The following CLCN3 variants were observed in gnomAD, a reference collection of about 807,000 sequenced individuals.
CLCN3 encodes H(+)/Cl(-) exchange transporter 3.
In CLCN3, 16 loss-of-function variants were observed where a neutral mutation model predicts 83.4. That is an observed-to-expected ratio of 0.19 (90% CI 0.13 to 0.29). The LOEUF is 0.29. Ranked by LOEUF, CLCN3 falls within the 10% of genes least tolerant of loss-of-function variation. The probability of loss-of-function intolerance (pLI) is 1.00; values close to 1 mark genes in which losing one functional copy is unlikely to be tolerated. For missense variants in CLCN3, 544 were observed against 1,006.0 expected, an observed-to-expected ratio of 0.54 and a Z score of 6.21; for synonymous variants, 322 against 346.2, an observed-to-expected ratio of 0.93 and a Z score of 0.78.
chr4:169,690,150 T>TC (rs1732310187), intron 5 of CLCN3, among the ~76,000 whole-genome samples: 1 of 146,694 alleles, frequency 6.8e-6, no homozygotes, highest in African/African-American at 2.5e-5. Flanking sequence ...TTTTTTTTTT[T>TC]TTTTTTGGCC....
In CLCN3 at chr4:169,679,310, G is replaced by A. The variant is rs577870359; in HGVS notation, c.161-740G>A. Among the ~76,000 whole-genome samples the A allele has an allele frequency of 3.5e-4, 53 of 151,876 alleles. 1 individual carries two copies. In the South Asian group the frequency reaches 0.011, roughly 32 times the overall value. On this transcript the variant is annotated intron_variant, in intron 2 of 12. Coordinates refer to ENST00000513761, the MANE Select transcript of CLCN3 (RefSeq NM_001829.4). ...AGACGATGGGCGGCCGGGCAGAGAC[G>A]CTCCTCACTTCCTAGACGGGATGGC...
At chr4:169,712,071 A>C (rs58157393) in intron 11 of CLCN3, among the ~76,000 whole-genome samples, 70,501 of 143,978 alleles carry the variant, frequency 0.49, 17,457 homozygotes, top group African/African-American at 0.57. Context: ...CTATGTTGCC[A>C]AGGCTGGTCT....
chr4:169,629,559 CG>C (rs1180029941), intron 1 of CLCN3, among the ~76,000 whole-genome samples: 1 of 151,978 alleles, frequency 6.6e-6, no homozygotes, highest in African/African-American at 2.4e-5. Flanking sequence ...TTAGTAGAGA[CG>C]GGGTTTCACC....
At position 169,621,052 on chromosome 4, in the gene CLCN3, C is replaced by T. The variant is rs1773100541; in HGVS notation, c.-28C>T. On this transcript the variant is annotated 5_prime_UTR_variant, in exon 1 of 13. Coordinates refer to ENST00000513761, the MANE Select transcript of CLCN3 (RefSeq NM_001829.4). ...AACAGCCACCGATTTTGCTATGTCTCTGAGCTGCGAGGTGAGTTGCATTGT... is the reference window on the plus strand; with the variant it reads ...AACAGCCACCGATTTTGCTATGTCTTTGAGCTGCGAGGTGAGTTGCATTGT... The T allele has an allele frequency of 2.5e-6, 1 of 397,332 alleles. No individual in the cohort carries two copies. The highest frequency in any genetic ancestry group is 1.4e-4 in the South Asian group (1 of 7,020). 24.6% of individuals were successfully genotyped at this position (397,332 alleles called of 1,614,324 possible).
chr4:169,631,653 A>T (rs568300904), intron 1 of CLCN3, among the ~76,000 whole-genome samples: 5 of 152,300 alleles, frequency 3.3e-5, no homozygotes, highest in Admixed American at 3.3e-4. Context: ...TGTAGATTGT[A>T]GATATTAGAC....
rs1733032660 is a variant in CLCN3, at chr4:169,707,320, G to A, written c.2149+54G>A. 7 of 1,396,452 alleles carry A rather than the reference G, an allele frequency of 5.0e-6. No individual in the cohort carries two copies. In the South Asian group the frequency reaches 1.0e-4, roughly 21 times the overall value. 86.5% of individuals were successfully genotyped at this position (1,396,452 alleles called of 1,614,324 possible). A position where few individuals can be genotyped will look rare whatever the true frequency, so the allele number is the denominator to read the frequency against. ...ATATGAGATGGATTTCTGGAAGAAA[G>A]GAAAGCAATAAGCAGTAACATTTAA... On this transcript the variant is annotated intron_variant, in intron 11 of 12. Transcript: ENST00000513761.
intron 2 of CLCN3, among the ~76,000 whole-genome samples, chr4:169,670,580 A>G (rs1731419923): frequency 6.6e-6 from 1 of 152,062 alleles, no homozygotes; most frequent in South Asian, 2.1e-4. Flanking sequence ...TTTGCTTAGG[A>G]TTGTCTTGGC....
At chr4:169,681,580 C>A (rs1420887587) in intron 3 of CLCN3, among the ~76,000 whole-genome samples, 1 of 152,108 alleles carries the variant, frequency 6.6e-6, no homozygotes, top group African/African-American at 2.4e-5. Flanking sequence ...TCCAGTGATT[C>A]TTAAACTTTT....
chr4:169,711,385 C>T (rs1295893330), intron 11 of CLCN3, among the ~76,000 whole-genome samples: 3 of 152,122 alleles, frequency 2.0e-5, no homozygotes, highest in East Asian at 1.9e-4. Context: ...ATTTTTGAGA[C>T]GGAGTTTCAC....
At chr4:169,679,525 GAGGCCAAGGC>G (rs1247608192) in intron 2 of CLCN3, among the ~76,000 whole-genome samples, 1 of 152,182 alleles carries the variant, frequency 6.6e-6, no homozygotes, top group Non-Finnish European at 1.5e-5. Flanking sequence ...AGCACTTTGG[GAGGCCAAGGC>G]AGGCGGCTGG....
intron 2 of CLCN3, among the ~76,000 whole-genome samples, chr4:169,661,969 C>T (rs1253665183): frequency 1.8e-4 from 28 of 152,058 alleles, no homozygotes; most frequent in Admixed American, 1.8e-3. Flanking sequence ...CTGTATTTTC[C>T]TCATGCTATT....
intron 1 of CLCN3, among the ~76,000 whole-genome samples, chr4:169,624,025 G>C (rs2150194585): frequency 6.6e-6 from 1 of 152,292 alleles, no homozygotes; most frequent in South Asian, 2.1e-4. Flanking sequence ...GGTCAGTATA[G>C]CAAGGATTAG....
Position 169,708,412 on chromosome 4 carries a change from A to G in CLCN3, c.2149+1146A>G, listed in dbSNP as rs549410567. 2.5e-4 allele frequency among the ~76,000 whole-genome samples: 38 copies of G among 152,324 alleles called. 1 individual carries two copies. The South Asian group carries it at 2.7e-3, about 11-fold the overall frequency. On this transcript the variant is annotated intron_variant, in intron 11 of 12. Coordinates refer to ENST00000513761, the MANE Select transcript of CLCN3 (RefSeq NM_001829.4). ...TTTTTCAAGGCCTAGCATTCCCATC[A>G]TTCTAAATTTTACTTAGCTAATACA...
chr4:169,660,536 T>C, intron 2 of CLCN3: 1 of 911,640 alleles, frequency 1.1e-6, no homozygotes. Flanking sequence ...TTCTCGTTTG[T>C]CCTTTAAATA....
chr4:169,683,221 G>A (rs185378424), intron 3 of CLCN3, among the ~76,000 whole-genome samples: 1 of 152,298 alleles, frequency 6.6e-6, no homozygotes, highest in Admixed American at 6.5e-5. Flanking sequence ...AAACAGGCTG[G>A]TCATAGTGGC....
chr4:169,715,855 G>A (rs1733404599), intron 12 of CLCN3, among the ~76,000 whole-genome samples: 1 of 152,080 alleles, frequency 6.6e-6, no homozygotes, highest in South Asian at 2.1e-4. Context: ...AGTTTGGAAA[G>A]TATTGGATTA....
intron 1 of CLCN3, among the ~76,000 whole-genome samples, chr4:169,627,906 T>C (rs1553964605): frequency 6.6e-6 from 1 of 152,250 alleles, no homozygotes; most frequent in African/African-American, 2.4e-5. Context: ...AGACTTATTA[T>C]GTAGTTACAG....
At position 169,635,966 on chromosome 4, in the gene CLCN3, G is replaced by C. The variant is rs754831858; in HGVS notation, c.38G>C (p.Arg13Thr). 6.2e-7 allele frequency: 1 copy of C among 1,611,800 alleles called. No homozygotes were observed. The highest frequency in any genetic ancestry group is 2.2e-5 in the East Asian group (1 of 44,724). Reference sequence around the variant, plus strand: ...CAGCTGTTCCATAGAGGCTACTATAGAAACAGCTACAACAGTATAACAAGT... The same window carrying C: ...CAGCTGTTCCATAGAGGCTACTATACAAACAGCTACAACAGTATAACAAGT... ...SEQLFHRGYY[R>T]NSYNSITSAS... is the part of the protein sequence containing the mutation. The change falls in exon 2 of 13, where the codon AGA (arginine) becomes ACA (threonine). Residue 13 changes from arginine to threonine, a missense_variant. Physicochemically the swap from Arg to Thr is moderately conservative, Grantham distance 71. This residue lies in a region of CLCN3 where 77 missense variants were observed against 92.8 expected (regional missense o/e 0.83). Coordinates refer to ENST00000513761, the MANE Select transcript of CLCN3 (RefSeq NM_001829.4).
At chr4:169,659,537 A>G (rs1730980570) in intron 2 of CLCN3, among the ~76,000 whole-genome samples, 1 of 152,162 alleles carries the variant, frequency 6.6e-6, no homozygotes, top group East Asian at 1.9e-4. Flanking sequence ...ATACAATAGT[A>G]AAGTTACTTA....
Sources: allele counts gnomAD v4.1 joint callset (sites outside exome capture counted in the v4.1 genomes callset), GRCh38; gene constraint gnomAD v4.1.1; regional missense constraint gnomAD v4.1.1; transcripts MANE v1.5; gene names NCBI Gene and HGNC (gene_info 2026-07-23, HGNC 2026-07-21).